The following DPPA2 variants were observed in gnomAD, a reference collection of about 807,000 sequenced individuals.
DPPA2 encodes the protein developmental pluripotency associated 2, also known as developmental pluripotency-associated protein 2.
Under a neutral mutation model 36.2 loss-of-function variants are expected in DPPA2, and 26 were observed. The ratio of observed to expected loss-of-function variants is 0.72; its 90% CI spans 0.53 to 1.00. The LOEUF (loss-of-function observed/expected upper bound fraction) is 1.00, where lower values mean the gene tolerates loss of function less well. Ranked by LOEUF, DPPA2 falls within the 50% of genes least tolerant of loss-of-function variation. The pLI is 0.00. For synonymous variants in DPPA2, 113 were observed against 123.2 expected (o/e 0.92, Z 0.55); for missense variants, 361 against 365.1 (o/e 0.99, Z 0.09).
chr3:109,314,890 C>T (rs1351835015), intron 1 of DPPA2, among the ~76,000 whole-genome samples: 2 of 151,964 alleles, frequency 1.3e-5, no homozygotes, highest in Non-Finnish European at 2.9e-5. Flanking sequence ...ATGGCGAGAC[C>T]CCCATTTCTA....
chr3:109,302,163 C>T (rs1707466417), intron 7 of DPPA2, among the ~76,000 whole-genome samples: 1 of 152,162 alleles, frequency 6.6e-6, no homozygotes. Context: ...CAGTTCCTTC[C>T]TACATACTCT....
Position 109,312,563 on chromosome 3 carries a change from G to T in DPPA2, c.163C>A (p.Pro55Thr), listed in dbSNP as rs760606844. 1 of 1,613,342 alleles carries T rather than the reference G, an allele frequency of 6.2e-7. No individual in the cohort carries two copies. The highest frequency in any genetic ancestry group is 2.2e-5 in the East Asian group (1 of 44,860). Reference sequence around the variant, plus strand: ...CTCATACCTGGATTGTATTTCTTAGGCTTCTCCAGTTTGACATCAGAAGTT... The same window carrying T: ...CTCATACCTGGATTGTATTTCTTAGTCTTCTCCAGTTTGACATCAGAAGTT... ...SSTSDVKLEK[P>T]KKYNPGHLLQ... is the part of the protein sequence containing the mutation. Residue 55 changes from proline to threonine, a missense_variant, in exon 3 of 9, where the codon CCT becomes ACT. Pro to Thr is a conservative substitution (Grantham distance 38). Transcript: ENST00000478945.
intron 8 of DPPA2, among the ~76,000 whole-genome samples, chr3:109,297,652 G>A (rs960350018): frequency 6.6e-5 from 10 of 152,276 alleles, no homozygotes; most frequent in African/African-American, 2.2e-4. Context: ...TGGTAGGAAT[G>A]CAAAATGCTA....
intron 3 of DPPA2, 79 bp downstream of exon 3, chr3:109,312,466 T>C: frequency 1.3e-6 from 2 of 1,514,328 alleles, no homozygotes; most frequent in African/African-American, 1.4e-5. Context: ...AGTCAGAGGA[T>C]AGGAAAGACA....
At chr3:109,305,718 G>C (rs1373299956) in intron 6 of DPPA2, among the ~76,000 whole-genome samples, 1 of 149,062 alleles carries the variant, frequency 6.7e-6, no homozygotes, top group Non-Finnish European at 1.5e-5. Flanking sequence ...AGGTTGCAGT[G>C]AGCTGAGATC....
chr3:109,306,523 T>A (rs1197019572), intron 6 of DPPA2, among the ~76,000 whole-genome samples: 1 of 151,934 alleles, frequency 6.6e-6, no homozygotes, highest in Non-Finnish European at 1.5e-5. Flanking sequence ...GGATCTAGAA[T>A]ACTTCTGGAA....
chr3:109,311,146 AC>A (rs957994724), intron 3 of DPPA2, among the ~76,000 whole-genome samples: 22 of 152,180 alleles, frequency 1.4e-4, no homozygotes, highest in African/African-American at 5.1e-4. Flanking sequence ...CTTTTATGCT[AC>A]ATATAGCAGC....
intron 7 of DPPA2, among the ~76,000 whole-genome samples, chr3:109,302,126 C>G (rs528745752): frequency 1.3e-5 from 2 of 152,294 alleles, no homozygotes; most frequent in Admixed American, 6.5e-5. Flanking sequence ...TCCACTGATA[C>G]GCTGATTATC....
chr3:109,299,149 G>A (rs1213563329), intron 8 of DPPA2, among the ~76,000 whole-genome samples: 1 of 151,484 alleles, frequency 6.6e-6, no homozygotes, highest in Non-Finnish European at 1.5e-5. Flanking sequence ...CCTGAGGTCA[G>A]GAGTTCCAGA....
intron 6 of DPPA2, among the ~76,000 whole-genome samples, chr3:109,305,656 C>A (rs899314335): frequency 2.6e-5 from 4 of 152,018 alleles, no homozygotes; most frequent in Admixed American, 6.6e-5. Context: ...CGCCTGTAAT[C>A]CCAGCTACTC....
intron 7 of DPPA2, among the ~76,000 whole-genome samples, chr3:109,301,546 G>A (rs996378151): frequency 3.9e-5 from 6 of 152,092 alleles, no homozygotes; most frequent in African/African-American, 7.2e-5. Context: ...CAGCTACTCC[G>A]GAGGCTGAGG....
intron 8 of DPPA2, among the ~76,000 whole-genome samples, chr3:109,297,845 G>T (rs1483300246): frequency 6.6e-6 from 1 of 152,210 alleles, no homozygotes; most frequent in Non-Finnish European, 1.5e-5. Flanking sequence ...ACTGGCTTAT[G>T]CCTGTAATCC....
chr3:109,310,760 G>A (rs189158412), intron 3 of DPPA2, among the ~76,000 whole-genome samples: 6 of 148,782 alleles, frequency 4.0e-5, no homozygotes, highest in South Asian at 2.2e-4. Context: ...CTCCTTGGCC[G>A]CCCAAAGTGC....
intron 2 of DPPA2, among the ~76,000 whole-genome samples, chr3:109,312,961 C>T (rs931203734): frequency 1.3e-5 from 2 of 152,128 alleles, no homozygotes; most frequent in African/African-American, 4.8e-5. Context: ...AATTATTTCC[C>T]TCAGGGCCTT....
At chr3:109,303,992 C>T (rs1304990907) in intron 7 of DPPA2, among the ~76,000 whole-genome samples, 4 of 151,942 alleles carry the variant, frequency 2.6e-5, no homozygotes, top group Admixed American at 6.6e-5. Flanking sequence ...CAGAAATTAG[C>T]CGGGCACGGT....
At chr3:109,294,856 T>C (rs1707323490) in intron 8 of DPPA2, among the ~76,000 whole-genome samples, 2 of 152,098 alleles carry the variant, frequency 1.3e-5, no homozygotes, top group South Asian at 2.1e-4. Context: ...ACCCTGTCTC[T>C]ACTAAAAATA....
intron 3 of DPPA2, 70 bp downstream of exon 3, chr3:109,312,475 C>A: frequency 6.5e-7 from 1 of 1,533,532 alleles, no homozygotes. Context: ...ATAGGAAAGA[C>A]AAATCTTACT....
chr3:109,301,772 G>A (rs1707461379), intron 7 of DPPA2, among the ~76,000 whole-genome samples: 3 of 152,030 alleles, frequency 2.0e-5, no homozygotes, highest in Admixed American at 6.6e-5. Context: ...AGAGAGAGAC[G>A]AAAAGAAAGG....
At chr3:109,301,313 C>T (rs1319024528) in intron 7 of DPPA2, among the ~76,000 whole-genome samples, 3 of 152,132 alleles carry the variant, frequency 2.0e-5, no homozygotes, top group Non-Finnish European at 2.9e-5. Context: ...CCCCTCTCTT[C>T]ATGCAGCTCC....
Sources: gnomAD v4.1 joint callset for allele counts (sites outside exome capture counted in the v4.1 genomes callset) on GRCh38, gnomAD v4.1.1 for gene constraint, MANE v1.5 for transcripts, NCBI Gene and HGNC (gene_info 2026-07-23, HGNC 2026-07-21) for gene names.